Variants in ZNF107 observed in about 807,000 individuals in gnomAD.
ZNF107 encodes the protein C2H2 type zinc-finger protein.
In ZNF107, 19 loss-of-function variants were observed where a neutral mutation model predicts 12.3. The observed-to-expected ratio is 1.55, with a 90% CI of 1.08 to 2.27. The LOEUF is 2.27. ZNF107 is among the 30% of genes most tolerant of loss of function. The pLI is 0.00. For missense variants in ZNF107, 958 were observed against 979.9 expected (o/e 0.98, Z 0.30); for synonymous variants, 317 against 330.5 (o/e 0.96, Z 0.44).
At position 64,710,423 on chromosome 7, in the gene ZNF107, A is replaced by T. The variant is rs1790846706; in HGVS notation, c.*1767A>T. The T allele has an allele frequency of 6.6e-6, 1 of 152,228 alleles. No homozygotes were observed. Among genetic ancestry groups the T allele is most frequent in the Non-Finnish European group, 1.5e-5 (1 of 68,030 alleles). 9.4% of individuals were successfully genotyped at this position (152,228 alleles called of 1,614,324 possible). A position where few individuals can be genotyped will look rare whatever the true frequency, so the allele number is the denominator to read the frequency against. On this transcript the variant is annotated 3_prime_UTR_variant, in exon 4 of 4. Transcript: ENST00000620827. ...GTGAAGTAAATATAAAAATAATTTA[A>T]TCCAAAATTAAGTCTATATAAATAT...
intron 1 of ZNF107, among the ~76,000 whole-genome samples, chr7:64,682,448 C>T (rs1253305774): frequency 6.6e-6 from 1 of 152,102 alleles, no homozygotes; most frequent in Non-Finnish European, 1.5e-5. Context: ...ACCCCATAGA[C>T]CCCAAACCTT....
In ZNF107 at chr7:64,706,555, T is replaced by C; in HGVS notation, c.458T>C (p.Val153Ala). The C allele has an allele frequency of 6.2e-7, 1 of 1,607,576 alleles. No individual in the cohort carries two copies. Among genetic ancestry groups the C allele is most frequent in the Non-Finnish European group, 8.5e-7 (1 of 1,177,778 alleles). Residue 153 changes from valine (V) to alanine (A), a missense_variant, in exon 4 of 4, where the codon GTC becomes GCC. Val to Ala is a moderately conservative substitution (Grantham distance 64). Coordinates refer to ENST00000620827, the MANE Select transcript of ZNF107 (RefSeq NM_001282359.2). ...TTCCAGTGTAATAAATATGTGAAAG[T>C]CTTTGATAAATTTTCAAATTCAAAT... ...KIFQCNKYVK[V>A]FDKFSNSNRY... is the part of the protein sequence containing the mutation.
chr7:64,691,730 TTTCTGAATATTTAGAA>T, intron 2 of ZNF107, 119 bp from the exon 3 acceptor site: 1 of 399,536 alleles, frequency 2.5e-6, no homozygotes, highest in South Asian at 9.9e-5. Flanking sequence ...TTTAAAATAT[TTTCTGAATATTTAGAA>T]ATATATGTTA....
At chr7:64,699,724 A>G (rs62460673) in intron 3 of ZNF107, among the ~76,000 whole-genome samples, 8,195 of 152,240 alleles carry the variant, frequency 0.054, 288 homozygotes, top group East Asian at 0.15. Flanking sequence ...TTTAAATTTC[A>G]TAAGACTTGG....
At chr7:64,671,779 CTTTTTTTTTT>C (rs1213610930) in intron 1 of ZNF107, among the ~76,000 whole-genome samples, 4 of 116,560 alleles carry the variant, frequency 3.4e-5, no homozygotes, top group Non-Finnish European at 7.1e-5. Context: ...CCTTTTTGTT[CTTTTTTTTTT>C]TTTTTTTTTT....
chr7:64,671,711 T>G (rs1789228586), intron 1 of ZNF107, among the ~76,000 whole-genome samples: 1 of 152,108 alleles, frequency 6.6e-6, no homozygotes, highest in Non-Finnish European at 1.5e-5. Flanking sequence ...TGGTTTCGTG[T>G]GCAGATTATT....
At chr7:64,687,871 T>G (rs941738032) in intron 1 of ZNF107, among the ~76,000 whole-genome samples, 2 of 152,184 alleles carry the variant, frequency 1.3e-5, no homozygotes, top group Non-Finnish European at 2.9e-5. Context: ...AATTTTTCTT[T>G]TATTTATATT....
intron 1 of ZNF107, among the ~76,000 whole-genome samples, chr7:64,670,312 A>G (rs548048509): frequency 2.0e-5 from 3 of 152,248 alleles, no homozygotes; most frequent in Non-Finnish European, 4.4e-5. Flanking sequence ...AGAAGGTTAG[A>G]AAGAAGGTCA....
chr7:64,689,057 T>C (rs1010463946), intron 1 of ZNF107, among the ~76,000 whole-genome samples: 2 of 152,206 alleles, frequency 1.3e-5, no homozygotes, highest in Non-Finnish European at 2.9e-5. Context: ...CAGGTTACAA[T>C]TCCCAATCTT....
chr7:64,702,614 G>A (rs1396045951), intron 3 of ZNF107, among the ~76,000 whole-genome samples: 1 of 151,772 alleles, frequency 6.6e-6, no homozygotes, highest in African/African-American at 2.4e-5. Context: ...CTGAAGTGCA[G>A]TGGTGCGATC....
intron 1 of ZNF107, among the ~76,000 whole-genome samples, chr7:64,683,037 G>C (rs1173644956): frequency 1.3e-5 from 2 of 152,176 alleles, no homozygotes; most frequent in East Asian, 3.8e-4. Flanking sequence ...ATTTTCGCCA[G>C]CCAAGGCAGG....
At chr7:64,687,921 A>G (rs895652080) in intron 1 of ZNF107, among the ~76,000 whole-genome samples, 1 of 152,234 alleles carries the variant, frequency 6.6e-6, no homozygotes, top group African/African-American at 2.4e-5. Context: ...TGATATAAAC[A>G]TATAAGGTGC....
intron 1 of ZNF107, among the ~76,000 whole-genome samples, chr7:64,682,664 T>TGCTGCAGCG: frequency 6.6e-6 from 1 of 152,292 alleles, no homozygotes; most frequent in South Asian, 2.1e-4. Flanking sequence ...CCTGTTTACA[T>TGCTGCAGCG]GCTGCAGCGG....
intron 1 of ZNF107, chr7:64,684,716 A>C (rs1789830885): frequency 4.1e-6 from 4 of 985,252 alleles, no homozygotes; most frequent in Non-Finnish European, 4.8e-6. Context: ...TCTCTCTTAA[A>C]CTGGATAGAT....
intron 2 of ZNF107, among the ~76,000 whole-genome samples, 191 bp from the exon 3 acceptor site, chr7:64,691,674 A>G (rs554209460): frequency 1.4e-4 from 22 of 152,242 alleles, no homozygotes; most frequent in African/African-American, 4.3e-4. Flanking sequence ...TCCAACACCA[A>G]TTTTTGATTC....
chr7:64,674,927 A>G (rs1789364164), intron 1 of ZNF107, among the ~76,000 whole-genome samples: 1 of 152,204 alleles, frequency 6.6e-6, no homozygotes, highest in South Asian at 2.1e-4. Context: ...TGTATGTTGA[A>G]CCAACCTTAT....
At chr7:64,701,617 TTTAC>T (rs1453778590) in intron 3 of ZNF107, among the ~76,000 whole-genome samples, 2 of 152,050 alleles carry the variant, frequency 1.3e-5, no homozygotes, top group Admixed American at 1.3e-4. Context: ...TTTTAATATA[TTTAC>T]TTACTCATTC....
chr7:64,705,321 C>A (rs1790602808), intron 3 of ZNF107, among the ~76,000 whole-genome samples: 1 of 151,700 alleles, frequency 6.6e-6, no homozygotes. Flanking sequence ...TTTACCTCCA[C>A]AATTTCTGTT....
At chr7:64,690,386 A>C (rs1790075373) in intron 1 of ZNF107, 3 of 985,178 alleles carry the variant, frequency 3.0e-6, no homozygotes, top group Non-Finnish European at 3.6e-6. Flanking sequence ...CCCTTTTTGG[A>C]GGCTTTATTT....
Sources: gnomAD v4.1 joint callset for allele counts (sites outside exome capture counted in the v4.1 genomes callset) on GRCh38, gnomAD v4.1.1 for gene constraint, MANE v1.5 for transcripts, NCBI Gene and HGNC (gene_info 2026-07-23, HGNC 2026-07-21) for gene names.